The following SNX29 variants were observed in gnomAD, a reference collection of about 807,000 sequenced individuals.
SNX29 encodes sorting nexin-29.
A neutral mutation model predicts 102.1 loss-of-function variants in SNX29; 78 were observed. The ratio of observed to expected loss-of-function variants is 0.76; its 90% confidence interval spans 0.64 to 0.92. The LOEUF (loss-of-function observed/expected upper bound fraction) is 0.92, where lower values mean the gene tolerates loss of function less well. SNX29 is among the 40% of genes least tolerant of loss of function. SNX29 has a pLI of 0.00. For synonymous variants in SNX29, 580 were observed against 414.5 expected, an observed-to-expected ratio of 1.40 and a Z score of -4.85; for missense variants, 1,280 against 1,061.7, an observed-to-expected ratio of 1.21 and a Z score of -2.86.
intron 15 of SNX29, among the ~76,000 whole-genome samples, chr16:12,313,859 T>C (rs900449043): frequency 6.6e-6 from 1 of 152,272 alleles, no homozygotes. Flanking sequence ...ATAGAGGGTA[T>C]TTATGATCCT....
At chr16:12,259,220 C>G (rs2078661505) in intron 14 of SNX29, among the ~76,000 whole-genome samples, 1 of 152,174 alleles carries the variant, frequency 6.6e-6, no homozygotes, top group Non-Finnish European at 1.5e-5. Flanking sequence ...TTGTCAAGGT[C>G]TCCTTCTCAA....
At chr16:12,480,859 G>C (rs934982563) in intron 19 of SNX29, among the ~76,000 whole-genome samples, 1 of 152,162 alleles carries the variant, frequency 6.6e-6, no homozygotes, top group African/African-American at 2.4e-5. Context: ...CAGGAGCTGG[G>C]AACTGTTTTG....
At chr16:12,456,316 C>G (rs183709014) in intron 18 of SNX29, among the ~76,000 whole-genome samples, 41 of 152,324 alleles carry the variant, frequency 2.7e-4, no homozygotes, top group African/African-American at 9.1e-4. Flanking sequence ...GATTGCCTGC[C>G]ATTTCAAATG....
intron 12 of SNX29, among the ~76,000 whole-genome samples, chr16:12,126,918 C>G (rs757616456): frequency 2.0e-5 from 3 of 152,140 alleles, no homozygotes; most frequent in Non-Finnish European, 4.4e-5. Context: ...GATAATGGCA[C>G]CTTCATAGAA....
intron 19 of SNX29, among the ~76,000 whole-genome samples, chr16:12,488,152 G>T (rs183819316): frequency 6.6e-6 from 1 of 152,164 alleles, no homozygotes; most frequent in East Asian, 1.9e-4. Flanking sequence ...AAAAAATTAA[G>T]GTCATTTATA....
chr16:12,355,705 T>C (rs1173593132), intron 15 of SNX29, among the ~76,000 whole-genome samples: 6 of 152,082 alleles, frequency 3.9e-5, no homozygotes. Flanking sequence ...TAATTCAATT[T>C]GGAAAAATTC....
chr16:12,429,279 A>C (rs1240431720), intron 18 of SNX29, among the ~76,000 whole-genome samples: 1 of 152,272 alleles, frequency 6.6e-6, no homozygotes, highest in African/African-American at 2.4e-5. Context: ...GTCCCACCAC[A>C]CAGACACAAC....
chr16:12,555,898 G>C (rs944643304), intron 20 of SNX29, among the ~76,000 whole-genome samples: 1 of 151,788 alleles, frequency 6.6e-6, no homozygotes, highest in African/African-American at 2.4e-5. Flanking sequence ...TCCTGTTCTT[G>C]GTCTCAAACC....
rs756975239 is a variant in SNX29 at position 12,568,520 on chromosome 16, C to G, written c.2333C>G (p.Pro778Arg). The G allele has an allele frequency of 8.1e-6, 13 of 1,609,928 alleles. No individual in the cohort carries two copies. Among genetic ancestry groups the G allele is most frequent in the African/African-American group, 4.0e-5 (3 of 74,920 alleles). The change falls in exon 21 of 21, where the codon CCC becomes CGC. Residue 778 changes from proline (P) to arginine (R), a missense_variant. By Grantham distance (103) the Pro-to-Arg change is moderately radical (BLOSUM62 -2). Transcript: ENST00000566228. ...TGCTCTTTCAGCGACATCACCCCGC[C>G]CGGAGAGCCTGTGAACAGCCGGCCC... is the stretch of plus-strand genomic sequence containing the variant. Reference protein sequence around the residue: ...LMPFFVDITPPGEPVNSRPKA... With the variant: ...LMPFFVDITPRGEPVNSRPKA...
At chr16:12,140,801 C>T (rs563236235) in intron 13 of SNX29, among the ~76,000 whole-genome samples, 58 of 152,236 alleles carry the variant, frequency 3.8e-4, no homozygotes, top group African/African-American at 1.2e-3. Flanking sequence ...ATTAGCAAAC[C>T]GCTGGTCCAG....
intron 20 of SNX29, among the ~76,000 whole-genome samples, chr16:12,544,292 C>A (rs1280053796): frequency 2.6e-5 from 4 of 152,186 alleles, no homozygotes; most frequent in Non-Finnish European, 5.9e-5. Context: ...AGTACGGCAT[C>A]CAGGCCACAG....
chr16:12,472,529 C>CAAAAAAAAAAAAAAAACAAA lies in SNX29; in HGVS notation c.2038-5176_2038-5175insAACAAAAAAAAAAAAAAAAA, dbSNP rs60223249. The stretch of plus-strand genomic sequence containing the variant: ...GCGAGTCTAAATCTCAAAAAAAAAC[C>CAAAAAAAAAAAAAAAACAAA]AAAAAAAAAAAAAACAAAAAAAAAA... On this transcript the variant is annotated intron_variant, in intron 18 of 20. Coordinates refer to ENST00000566228, the MANE Select transcript of SNX29 (RefSeq NM_032167.5). Among the ~76,000 whole-genome samples, 9 of 72,918 alleles carry CAAAAAAAAAAAAAAAACAAA rather than the reference C, an allele frequency of 1.2e-4. No homozygotes were observed. In the East Asian group the frequency reaches 1.6e-3, roughly 13 times the overall value. The allele number at this position is 72,918 out of a possible 152,430, so 47.8% of individuals were successfully genotyped here.
At chr16:12,135,396 A>G (rs1281768508) in intron 13 of SNX29, among the ~76,000 whole-genome samples, 2 of 152,240 alleles carry the variant, frequency 1.3e-5, no homozygotes, top group African/African-American at 2.4e-5. Flanking sequence ...ACAGGGCTCC[A>G]GAGGATGGCA....
chr16:12,219,056 G>A (rs2077404151), intron 14 of SNX29, among the ~76,000 whole-genome samples: 1 of 152,146 alleles, frequency 6.6e-6, no homozygotes, highest in South Asian at 2.1e-4. Context: ...TTACAGGTGT[G>A]AGCCACCGCG....
chr16:12,174,081 C>T, intron 13 of SNX29, among the ~76,000 whole-genome samples: 1 of 152,166 alleles, frequency 6.6e-6, no homozygotes, highest in East Asian at 1.9e-4. Context: ...TGCCCCCGGC[C>T]CCCTGTGCTT....
chr16:12,332,792 A>G (rs550136475), intron 15 of SNX29, among the ~76,000 whole-genome samples: 1 of 152,182 alleles, frequency 6.6e-6, no homozygotes, highest in South Asian at 2.1e-4. Context: ...TCTCCTCGTC[A>G]GTCCTCACGG....
At chr16:12,352,568 A>G (rs2082019077) in intron 15 of SNX29, among the ~76,000 whole-genome samples, 1 of 152,230 alleles carries the variant, frequency 6.6e-6, no homozygotes, top group African/African-American at 2.4e-5. Flanking sequence ...AAACTTCTTG[A>G]ATCTTCTACC....
intron 19 of SNX29, among the ~76,000 whole-genome samples, chr16:12,505,527 T>G (rs2089332872): frequency 6.6e-6 from 1 of 152,142 alleles, no homozygotes; most frequent in Non-Finnish European, 1.5e-5. Flanking sequence ...TTTTGTATAT[T>G]CGAGGTTTGC....
chr16:12,219,079 T>C lies in SNX29; in HGVS notation c.1678+19396T>C, dbSNP rs527756018. 7.0e-4 allele frequency among the ~76,000 whole-genome samples: 106 copies of C among 152,244 alleles called. 1 individual carries two copies. Among genetic ancestry groups the C allele is most frequent in the Non-Finnish European group, 1.3e-3 (86 of 68,000 alleles). ...GTGAGCCACCGCGCCTGGCCCTGTT[T>C]CCAGGTTTTTGCTACTACAAAGAGG... is the stretch of plus-strand genomic sequence containing the variant. On this transcript the variant is annotated intron_variant, in intron 14 of 20. Coordinates refer to ENST00000566228, the MANE Select transcript of SNX29 (RefSeq NM_032167.5).
Sources: gnomAD v4.1 joint callset for allele counts (sites outside exome capture counted in the v4.1 genomes callset) on GRCh38, gnomAD v4.1.1 for gene constraint, MANE v1.5 for transcripts, NCBI Gene and HGNC (gene_info 2026-07-23, HGNC 2026-07-21) for gene names.